The following SNAPC4 variants were observed in gnomAD, a reference collection of about 807,000 sequenced individuals.
The protein encoded by SNAPC4 is small nuclear RNA activating complex polypeptide 4.
A neutral mutation model predicts 151.3 loss-of-function variants in SNAPC4; 127 were observed. The ratio of observed to expected loss-of-function variants is 0.84; its 90% CI spans 0.73 to 0.97. The LOEUF is 0.97. Ranked by LOEUF, SNAPC4 falls within the 50% of genes least tolerant of loss-of-function variation. The pLI, the probability that SNAPC4 is intolerant of heterozygous loss-of-function variation, is 0.00. For synonymous variants in SNAPC4, 1,002 were observed against 824.4 expected (o/e 1.22, Z -3.69); for missense variants, 2,186 against 1,935.0 (o/e 1.13, Z -2.43).
Position 136,383,174 on chromosome 9 carries a change from G to T in SNAPC4, c.1983+12C>A. 3 of 1,521,914 alleles carry T rather than the reference G, an allele frequency of 2.0e-6. No homozygotes were observed. Among genetic ancestry groups the T allele is most frequent in the Non-Finnish European group, 2.6e-6 (3 of 1,136,960 alleles). 94.3% of individuals were successfully genotyped at this position (1,521,914 alleles called of 1,614,324 possible). ...GTGCACTTCCCGTGGTACACCCAGG[G>T]CCGGGGCCTACCTCCAGGGCCTGCT... On this transcript the variant is annotated intron_variant, in intron 16 of 23. Transcript: ENST00000684778. This position sits in a 1 kb window ranked among gnomAD's most constrained non-coding sequence, Gnocchi z 4.2.
chr9:136,393,597 G>A (rs1387781303), intron 7 of SNAPC4, among the ~76,000 whole-genome samples: 1 of 152,206 alleles, frequency 6.6e-6, no homozygotes, highest in Non-Finnish European at 1.5e-5. Context: ...GGGAAGCCCA[G>A]AGAAGCTGCC....
In SNAPC4 at chr9:136,394,282, C is replaced by G; in HGVS notation, c.599G>C (p.Arg200Pro). The stretch of plus-strand genomic sequence containing the variant: ...CTTGGGCTGAAGCAATCGCTGCAGG[C>G]GGTCACTCACCACTGACTTTCGGAG... ...ALLRKSVVSD[R>P]LQRLLQPKLL... Residue 200 changes from arginine (R) to proline (P), a missense_variant, in exon 7 of 24, where the codon CGC becomes CCC. Arg to Pro is a moderately radical substitution (Grantham distance 103). Coordinates refer to ENST00000684778, the MANE Select transcript of SNAPC4 (RefSeq NM_003086.4). 6.2e-7 allele frequency: 1 copy of G among 1,613,900 alleles called. No individual in the cohort carries two copies. The highest frequency in any genetic ancestry group is 8.5e-7 in the Non-Finnish European group (1 of 1,179,910).
At chr9:136,385,521 T>C (rs1833859227) in intron 13 of SNAPC4, among the ~76,000 whole-genome samples, 1 of 152,092 alleles carries the variant, frequency 6.6e-6, no homozygotes, top group African/African-American at 2.4e-5. Flanking sequence ...TATCAGAATT[T>C]ACAGAAACGC....
chr9:136,378,797 G>C lies in SNAPC4; in HGVS notation c.3030C>G (p.Gly1010=), dbSNP rs925620148. The C allele has an allele frequency of 1.3e-6, 2 of 1,573,906 alleles. No individual in the cohort carries two copies. Among genetic ancestry groups the C allele is most frequent in the South Asian group, 1.2e-5 (1 of 84,556 alleles). The change falls in exon 22 of 24, where the codon GGC becomes GGG. Residue 1010 remains glycine, a synonymous_variant. Coordinates refer to ENST00000684778, the MANE Select transcript of SNAPC4 (RefSeq NM_003086.4). Reference sequence around the variant, plus strand: ...GGCAGCTCACAGAGATCTGGCCGGGGCCCAGGGCAGGGGCTTGGGAAGCAG... The same window carrying C: ...GGCAGCTCACAGAGATCTGGCCGGGCCCCAGGGCAGGGGCTTGGGAAGCAG... ...APAASQAPAL[G]PGQISVSCPE...
At chr9:136,388,726 TC>T in intron 10 of SNAPC4, 135 bp from the exon 11 acceptor site, 1 of 951,356 alleles carries the variant, frequency 1.1e-6, no homozygotes, top group Non-Finnish European at 1.6e-6. Context: ...GCTCTCCTCC[TC>T]CCAGACTCCT....
chr9:136,388,974 T>A (rs1487415578), intron 10 of SNAPC4, among the ~76,000 whole-genome samples: 1 of 152,202 alleles, frequency 6.6e-6, no homozygotes, highest in Middle Eastern at 3.2e-3. Flanking sequence ...TAAATGCAGT[T>A]GCTAGCACCT....
intron 20 of SNAPC4, 105 bp from the exon 21 acceptor site, chr9:136,379,969 G>A (rs575777949): frequency 1.8e-5 from 26 of 1,431,588 alleles, no homozygotes; most frequent in Middle Eastern, 1.7e-4. Context: ...GAAATGGGAC[G>A]AGGCCCCAAG....
At position 136,388,504 on chromosome 9, in the gene SNAPC4, G is replaced by A. The variant is rs769098156; in HGVS notation, c.1063C>T (p.Arg355Cys). Reference protein sequence around the residue: ...KRKEWTEEEDRMLTQLVQEMR... With the variant: ...KRKEWTEEEDCMLTQLVQEMR... The stretch of plus-strand genomic sequence containing the variant: ...TCCTGCACCAGCTGCGTGAGCATGC[G>A]GTCCTCCTCCTCTGTCCACTCCTTG... Residue 355 changes from arginine to cysteine, a missense_variant, in exon 11 of 24, where the codon CGC becomes TGC. By Grantham distance (180) the Arg-to-Cys change is radical. Transcript: ENST00000684778. The A allele has an allele frequency of 3.7e-6, 6 of 1,613,656 alleles. No homozygotes were observed. Among genetic ancestry groups the A allele is most frequent in the South Asian group, 2.2e-5 (2 of 91,020 alleles).
rs763119123 is a variant in SNAPC4 at position 136,395,579 on chromosome 9, C to A, written c.345+24G>T. On this transcript the variant is annotated intron_variant, in intron 4 of 23. Coordinates refer to ENST00000684778, the MANE Select transcript of SNAPC4 (RefSeq NM_003086.4). ...CTCTGGGGGTGGGGAGGTGTGGGCA[C>A]CGGGGGGCCGAGGCCCATCCCACCT... The A allele has an allele frequency of 5.0e-6, 8 of 1,597,702 alleles. No homozygotes were observed. In the African/African-American group the frequency reaches 9.4e-5, roughly 19 times the overall value.
At position 136,392,015 on chromosome 9, in the gene SNAPC4, T is replaced by A. The variant is rs995543337; in HGVS notation, c.902A>T (p.Glu301Val). The change falls in exon 10 of 24, where the codon GAG becomes GTG. Residue 301 changes from glutamate (E) to valine (V), a missense_variant. By Grantham distance (121) the Glu-to-Val change is moderately radical. Coordinates refer to ENST00000684778, the MANE Select transcript of SNAPC4 (RefSeq NM_003086.4). Reference protein sequence around the residue: ...SINKQEWSREEEERLQAIAAA... With the variant: ...SINKQEWSREVEERLQAIAAA... ...CGCGATCGCCTGCAGCCGCTCCTCC[T>A]CCTCCCTGCTCCACTCCTGCTTGTT... 3.7e-6 allele frequency: 6 copies of A among 1,611,552 alleles called. No homozygotes were observed. The highest frequency in any genetic ancestry group is 5.1e-6 in the Non-Finnish European group (6 of 1,179,956).
intron 1 of SNAPC4, among the ~76,000 whole-genome samples, chr9:136,399,122 G>T (rs1162285122): frequency 1.3e-5 from 2 of 152,208 alleles, no homozygotes; most frequent in Non-Finnish European, 2.9e-5. Context: ...AGAGAGAGTG[G>T]GAGAATGAAA....
intron 21 of SNAPC4, 145 bp downstream of exon 21, chr9:136,379,692 G>T: frequency 1.3e-6 from 1 of 790,140 alleles, no homozygotes; most frequent in Non-Finnish European, 2.1e-6. Flanking sequence ...TCATCCCTGT[G>T]GTGGGACTCG....
rs1833964623 is a variant in SNAPC4, at chr9:136,388,477, T to C, written c.1090A>G (p.Met364Val). 2 of 1,611,858 alleles carry C rather than the reference T, an allele frequency of 1.2e-6. No individual in the cohort carries two copies. Among genetic ancestry groups the C allele is most frequent in the African/African-American group, 2.7e-5 (2 of 74,818 alleles). ...DRMLTQLVQEMRVGSHIPYRR... is the reference protein window; with the variant it reads ...DRMLTQLVQEVRVGSHIPYRR... ...TAGGGGATGTGGCTGCCGACGCGCA[T>C]CTCCTGCACCAGCTGCGTGAGCATG... is the stretch of plus-strand genomic sequence containing the variant. Residue 364 changes from methionine (M) to valine (V), a missense_variant, in exon 11 of 24, where the codon ATG becomes GTG. Met to Val is a conservative substitution (Grantham distance 21, BLOSUM62 1). Transcript: ENST00000684778.
At chr9:136,385,563 T>C (rs966848812) in intron 13 of SNAPC4, among the ~76,000 whole-genome samples, 14 of 109,750 alleles carry the variant, frequency 1.3e-4, no homozygotes, top group South Asian at 5.4e-4. Context: ...CTCCCCCCCC[T>C]TTTGTTTTTT....
At chr9:136,382,182 G>A in intron 17 of SNAPC4, 71 bp downstream of exon 17, 1 of 1,596,086 alleles carries the variant, frequency 6.3e-7, no homozygotes, top group South Asian at 1.1e-5. Flanking sequence ...ATGATCGACG[G>A]GGAGAGGAAT....
At position 136,379,822 on chromosome 9, in the gene SNAPC4, G is replaced by A. The variant is rs373375180; in HGVS notation, c.2527+15C>T. The A allele has an allele frequency of 8.7e-6, 14 of 1,612,654 alleles. No homozygotes were observed. The highest frequency in any genetic ancestry group is 1.2e-5 in the Non-Finnish European group (14 of 1,179,332). ...GTTAGGTCTCTTCCCCACCAGGGCA[G>A]AGAAGCAGAGTTACCTGGGGTGCTC... On this transcript the variant is annotated intron_variant, in intron 21 of 23. Coordinates refer to ENST00000684778, the MANE Select transcript of SNAPC4 (RefSeq NM_003086.4).
In SNAPC4 at chr9:136,380,814, C is replaced by T. The variant is rs774139746; in HGVS notation, c.2425G>A (p.Val809Ile). The T allele has an allele frequency of 1.7e-5, 28 of 1,611,356 alleles. No individual in the cohort carries two copies. Among genetic ancestry groups the T allele is most frequent in the Admixed American group, 1.2e-4 (7 of 59,962 alleles). The change falls in exon 20 of 24, where the codon GTC becomes ATC. Residue 809 changes from valine (V) to isoleucine (I), a missense_variant. Transcript: ENST00000684778. ...HIDTAGCLEV[V>I]RERKALPPRL... ...GGTGGCAGGGCCTTCCTCTCTCGGA[C>T]GACCTCCAAGCAGCCGGCAGTATCG...
intron 3 of SNAPC4, among the ~76,000 whole-genome samples, chr9:136,396,399 G>C (rs1290028288): frequency 6.6e-6 from 1 of 152,218 alleles, no homozygotes; most frequent in Non-Finnish European, 1.5e-5. Flanking sequence ...CAGTTGCCAG[G>C]TGCTGTTTGG....
intron 10 of SNAPC4, among the ~76,000 whole-genome samples, chr9:136,390,215 T>A (rs560551163): frequency 4.1e-4 from 62 of 152,250 alleles, no homozygotes; most frequent in African/African-American, 1.3e-3. Flanking sequence ...AGCTGCACGC[T>A]GCTTTCATGA....
Sources: allele counts gnomAD v4.1 joint callset (sites outside exome capture counted in the v4.1 genomes callset), GRCh38; gene constraint gnomAD v4.1.1; non-coding constraint Gnocchi (gnomAD v3.1); transcripts MANE v1.5; gene names NCBI Gene and HGNC (gene_info 2026-07-23, HGNC 2026-07-21).